DPP10: variants seen among roughly 807,000 people sequenced by gnomAD.
The protein encoded by DPP10 is inactive dipeptidyl peptidase 10.
In DPP10, 33 loss-of-function variants were observed where a neutral mutation model predicts 120.9. The ratio of observed to expected loss-of-function variants is 0.27; its 90% CI spans 0.21 to 0.37. The LOEUF is 0.37. DPP10 is among the 10% of genes least tolerant of loss of function. DPP10 has a pLI of 1.00. For missense variants in DPP10, 816 were observed against 942.8 expected (o/e 0.87, Z 1.76); for synonymous variants, 337 against 326.1 (o/e 1.03, Z -0.36).
intron 1 of DPP10, among the ~76,000 whole-genome samples, chr2:115,088,976 T>C (rs1024307263): frequency 6.6e-6 from 1 of 152,052 alleles, no homozygotes; most frequent in Admixed American, 6.5e-5. Flanking sequence ...ACAACCTTTA[T>C]TGCCATCCCA....
chr2:115,266,142 A>C (rs536372847), intron 1 of DPP10, among the ~76,000 whole-genome samples: 24 of 152,280 alleles, frequency 1.6e-4, no homozygotes, highest in Middle Eastern at 6.8e-3. Context: ...GCTCTGTAAT[A>C]GTTTCGAGGG....
intron 1 of DPP10, among the ~76,000 whole-genome samples, chr2:115,027,094 C>A (rs547467555): frequency 4.6e-5 from 7 of 151,844 alleles, no homozygotes; most frequent in Admixed American, 4.6e-4. Flanking sequence ...ATATTGTAAA[C>A]GGGATTGCTT....
chr2:114,491,619 C>T (rs960064987), intron 1 of DPP10, among the ~76,000 whole-genome samples: 3 of 152,130 alleles, frequency 2.0e-5, no homozygotes, highest in African/African-American at 7.2e-5. Flanking sequence ...GGAAACTTAC[C>T]AGAGGCATTC....
At chr2:115,800,243 G>C (rs1685036486) in intron 19 of DPP10, among the ~76,000 whole-genome samples, 2 of 151,914 alleles carry the variant, frequency 1.3e-5, no homozygotes, top group African/African-American at 2.4e-5. Context: ...TTTTTGAGAA[G>C]TGTCTGTTCA....
In DPP10 at chr2:115,026,322, G is replaced by C. The variant is rs540911012; in HGVS notation, c.61-282917G>C. 3.3e-5 allele frequency among the ~76,000 whole-genome samples: 5 copies of C among 151,950 alleles called. No individual in the cohort carries two copies. The East Asian group carries it at 9.7e-4, about 29-fold the overall frequency. ...TGTATGTTCTAGGTACCATTGAGTT[G>C]GGTATAAATGTATGGATTTATATCC... On this transcript the variant is annotated intron_variant, in intron 1 of 25. Transcript: ENST00000410059.
At chr2:114,574,643 C>T (rs1315514256) in intron 1 of DPP10, among the ~76,000 whole-genome samples, 6 of 152,168 alleles carry the variant, frequency 3.9e-5, no homozygotes, top group African/African-American at 1.4e-4. Context: ...AAATGGTCTC[C>T]ATAAGATAAA....
At position 115,629,978 on chromosome 2, in the gene DPP10, G is replaced by A. The variant is rs181613760; in HGVS notation, c.442-59709G>A. Among the ~76,000 whole-genome samples the A allele has an allele frequency of 6.6e-5, 10 of 152,016 alleles. No homozygotes were observed. In the East Asian group the frequency reaches 1.5e-3, roughly 24 times the overall value. ...TTAATGGGAGGGAATAACATCGAAT[G>A]TATAAATTATTTTGGGCTGTATGGC... is the stretch of plus-strand genomic sequence containing the variant. On this transcript the variant is annotated intron_variant, in intron 5 of 25. Coordinates refer to ENST00000410059, the MANE Select transcript of DPP10 (RefSeq NM_020868.6).
At chr2:115,224,635 T>C (rs2057344102) in intron 1 of DPP10, among the ~76,000 whole-genome samples, 1 of 152,130 alleles carries the variant, frequency 6.6e-6, no homozygotes, top group African/African-American at 2.4e-5. Context: ...AACAATGTAT[T>C]ATATATTTGA....
chr2:114,524,896 C>G (rs1039070513), intron 1 of DPP10, among the ~76,000 whole-genome samples: 1 of 152,130 alleles, frequency 6.6e-6, no homozygotes, highest in African/African-American at 2.4e-5. Context: ...AATCCCATTC[C>G]TTCTTCCTCT....
chr2:114,662,358 C>T (rs1697484780), intron 1 of DPP10, among the ~76,000 whole-genome samples: 1 of 152,226 alleles, frequency 6.6e-6, no homozygotes, highest in South Asian at 2.1e-4. Context: ...GCGCGGGGAG[C>T]TCCGGAGCTG....
intron 1 of DPP10, chr2:115,161,288 G>C (rs768341703): frequency 3.1e-4 from 48 of 152,436 alleles, no homozygotes; most frequent in Admixed American, 7.9e-4. Context: ...CGGGACCCCG[G>C]TCCCCGGGCT....
chr2:114,644,100 AT>A (rs70937295), intron 1 of DPP10, among the ~76,000 whole-genome samples: 2,931 of 129,894 alleles, frequency 0.023, 63 homozygotes, highest in African/African-American at 0.037. Context: ...ATGCCCAGCT[AT>A]TTTTTTTTTT....
chr2:114,752,098 A>G (rs1290560676), intron 1 of DPP10, among the ~76,000 whole-genome samples: 3 of 151,946 alleles, frequency 2.0e-5, no homozygotes. Context: ...TTGCATTTCT[A>G]CTTAGTTCCC....
chr2:115,805,924 A>G (rs753494998), intron 19 of DPP10, among the ~76,000 whole-genome samples: 7 of 152,124 alleles, frequency 4.6e-5, no homozygotes, highest in Non-Finnish European at 7.4e-5. Context: ...TATGATTACA[A>G]CAGGGCAGAT....
intron 2 of DPP10, among the ~76,000 whole-genome samples, chr2:115,333,382 G>C (rs1321196508): frequency 6.6e-6 from 1 of 152,012 alleles, no homozygotes; most frequent in East Asian, 1.9e-4. Flanking sequence ...TATCCAATTT[G>C]CCAGTCTGTG....
intron 3 of DPP10, among the ~76,000 whole-genome samples, chr2:115,452,970 C>G (rs1423154027): frequency 6.6e-6 from 1 of 151,654 alleles, no homozygotes; most frequent in Non-Finnish European, 1.5e-5. Context: ...TCTTACCTTT[C>G]ACTACGTAAG....
chr2:115,033,901 T>C (rs1319232335), intron 1 of DPP10, among the ~76,000 whole-genome samples: 1 of 137,664 alleles, frequency 7.3e-6, no homozygotes, highest in African/African-American at 2.7e-5. Context: ...TTCTTTTTTT[T>C]TTTTTTTTTT....
At chr2:115,122,728 T>G (rs2049886869) in intron 1 of DPP10, among the ~76,000 whole-genome samples, 1 of 152,022 alleles carries the variant, frequency 6.6e-6, no homozygotes, top group Admixed American at 6.5e-5. Context: ...GCAGTGCAGG[T>G]TTTCAGGAAA....
intron 21 of DPP10, among the ~76,000 whole-genome samples, chr2:115,824,954 G>A (rs543492263): frequency 6.6e-6 from 1 of 152,194 alleles, no homozygotes; most frequent in Non-Finnish European, 1.5e-5. Flanking sequence ...CTATTACATG[G>A]ATACTAGAGG....
Sources: allele counts gnomAD v4.1 joint callset (sites outside exome capture counted in the v4.1 genomes callset), GRCh38; gene constraint gnomAD v4.1.1; transcripts MANE v1.5; gene names NCBI Gene and HGNC (gene_info 2026-07-23, HGNC 2026-07-21).